The following CHST9 variants were observed in gnomAD, a reference collection of about 807,000 sequenced individuals.
CHST9 encodes the protein GalNAc-4-sulfotransferase 2.
Under a neutral mutation model 44.4 loss-of-function variants are expected in CHST9, and 41 were observed. That is an observed-to-expected ratio of 0.92 (90% confidence interval 0.72 to 1.20). The LOEUF (loss-of-function observed/expected upper bound fraction) is 1.20. Among genes scored for constraint, CHST9 ranks in the 50% most tolerant of loss-of-function variants. The pLI, the probability that CHST9 is intolerant of heterozygous loss-of-function variation, is 0.00. For synonymous variants in CHST9, 171 were observed against 178.4 expected (o/e 0.96, Z 0.33); for missense variants, 504 against 516.5 (o/e 0.98, Z 0.23).
intron 2 of CHST9, among the ~76,000 whole-genome samples, chr18:27,061,442 G>A (rs2143614351): frequency 6.6e-6 from 1 of 152,324 alleles, no homozygotes; most frequent in East Asian, 1.9e-4. Context: ...GCCAGGCACT[G>A]TACTTTAGAG....
At chr18:27,178,527 G>T (rs565687515) in intron 1 of CHST9, among the ~76,000 whole-genome samples, 2 of 151,926 alleles carry the variant, frequency 1.3e-5, no homozygotes, top group African/African-American at 4.8e-5. Context: ...CAGTCCAGTA[G>T]ACAGAAGTAA....
At chr18:26,996,201 T>C (rs2056886186) in intron 4 of CHST9, among the ~76,000 whole-genome samples, 1 of 152,216 alleles carries the variant, frequency 6.6e-6, no homozygotes, top group African/African-American at 2.4e-5. Context: ...TCTTACACTC[T>C]CATTCTTTGT....
At chr18:26,935,315 T>C (rs1046987524) in intron 5 of CHST9, 1 of 152,132 alleles carries the variant, frequency 6.6e-6, no homozygotes, top group African/African-American at 2.4e-5. Flanking sequence ...CTAAGAGTCA[T>C]TTAGTCTCAA....
intron 1 of CHST9, among the ~76,000 whole-genome samples, chr18:27,148,256 T>C (rs2058630603): frequency 6.6e-6 from 1 of 151,724 alleles, no homozygotes; most frequent in Non-Finnish European, 1.5e-5. Flanking sequence ...TTCTTTTTTT[T>C]TAATTTTATT....
chr18:27,160,523 T>C (rs2058737411), intron 1 of CHST9, among the ~76,000 whole-genome samples: 1 of 152,340 alleles, frequency 6.6e-6, no homozygotes, highest in Non-Finnish European at 1.5e-5. Context: ...AGTATTTTAT[T>C]GAGGATTTTT....
At chr18:27,165,851 C>T (rs1281955770) in intron 1 of CHST9, among the ~76,000 whole-genome samples, 2 of 152,150 alleles carry the variant, frequency 1.3e-5, no homozygotes, top group Non-Finnish European at 2.9e-5. Context: ...TCATCATTAA[C>T]CCACATCTAA....
chr18:27,070,348 T>C (rs148064422), intron 2 of CHST9, among the ~76,000 whole-genome samples: 137 of 152,304 alleles, frequency 9.0e-4, no homozygotes, highest in African/African-American at 3.2e-3. Context: ...CCTTACAAAT[T>C]ATACATAATA....
chr18:26,976,825 G>C (rs767087723), intron 4 of CHST9, among the ~76,000 whole-genome samples: 1 of 152,082 alleles, frequency 6.6e-6, no homozygotes, highest in Non-Finnish European at 1.5e-5. Context: ...TGACAATTGT[G>C]ATCTGAAGGT....
intron 2 of CHST9, among the ~76,000 whole-genome samples, chr18:27,092,284 G>A (rs192600625): frequency 2.0e-4 from 30 of 152,202 alleles, no homozygotes; most frequent in African/African-American, 5.5e-4. Flanking sequence ...GGGATTGGTG[G>A]TGATATCCCC....
chr18:27,028,401 T>C (rs2164619), intron 3 of CHST9, among the ~76,000 whole-genome samples: 58,900 of 152,016 alleles, frequency 0.39, 11,937 homozygotes, highest in Admixed American at 0.47. Flanking sequence ...TTGGTCCACA[T>C]ACATCTCCAC....
At chr18:26,964,035 TAAG>T (rs1290691972) in intron 4 of CHST9, among the ~76,000 whole-genome samples, 2 of 152,202 alleles carry the variant, frequency 1.3e-5, no homozygotes, top group African/African-American at 4.8e-5. Context: ...TATAGTTTCA[TAAG>T]AAGAGCATTT....
chr18:27,005,664 G>C (rs1161585679), intron 4 of CHST9, among the ~76,000 whole-genome samples: 1 of 151,998 alleles, frequency 6.6e-6, no homozygotes, highest in Non-Finnish European at 1.5e-5. Context: ...TCATTTTATT[G>C]ATGAGGAAAC....
chr18:26,956,876 C>A (rs2056332980), intron 4 of CHST9, among the ~76,000 whole-genome samples: 2 of 152,196 alleles, frequency 1.3e-5, no homozygotes, highest in South Asian at 4.1e-4. Flanking sequence ...ACTTTGCATA[C>A]TGATTCTTTC....
At chr18:26,969,584 G>C (rs2056515220) in intron 4 of CHST9, among the ~76,000 whole-genome samples, 1 of 152,158 alleles carries the variant, frequency 6.6e-6, no homozygotes, top group African/African-American at 2.4e-5. Flanking sequence ...AATGAATAAG[G>C]AAGAAAAGGT....
At chr18:26,950,480 A>G (rs764191349) in intron 4 of CHST9, among the ~76,000 whole-genome samples, 9 of 152,220 alleles carry the variant, frequency 5.9e-5, no homozygotes, top group Non-Finnish European at 1.2e-4. Flanking sequence ...CTAAATGCCC[A>G]TCAACCAGTA....
At chr18:27,169,028 T>G (rs1021565268) in intron 1 of CHST9, among the ~76,000 whole-genome samples, 1 of 152,156 alleles carries the variant, frequency 6.6e-6, no homozygotes, top group African/African-American at 2.4e-5. Flanking sequence ...ATCAGTCCTA[T>G]AGCTGCAAAA....
At chr18:27,019,602 C>T (rs2057196298) in intron 4 of CHST9, among the ~76,000 whole-genome samples, 1 of 146,172 alleles carries the variant, frequency 6.8e-6, no homozygotes, top group Admixed American at 7.3e-5. Context: ...ATCGAGATCT[C>T]CAAATCGGAG....
chr18:27,032,073 C>T (rs2057346893), intron 3 of CHST9, among the ~76,000 whole-genome samples: 2 of 151,874 alleles, frequency 1.3e-5, no homozygotes, highest in South Asian at 2.1e-4. Flanking sequence ...TCTTGGTGGT[C>T]GGGCCATAGA....
chr18:26,944,877 T>A (rs1012024762), intron 4 of CHST9, among the ~76,000 whole-genome samples: 3 of 152,152 alleles, frequency 2.0e-5, no homozygotes, highest in Non-Finnish European at 2.9e-5. Flanking sequence ...CTGCCAGAGA[T>A]TGAAGTACAA....
Sources: allele counts gnomAD v4.1 joint callset (sites outside exome capture counted in the v4.1 genomes callset), GRCh38; gene constraint gnomAD v4.1.1; transcripts MANE v1.5; gene names NCBI Gene and HGNC (gene_info 2026-07-23, HGNC 2026-07-21).